The following CCDC159 variants were observed in gnomAD, a reference collection of about 807,000 sequenced individuals.
CCDC159 encodes coiled-coil domain-containing protein 159.
Under a neutral mutation model 50.9 loss-of-function variants are expected in CCDC159, and 40 were observed. That is an observed-to-expected ratio of 0.79 (90% CI 0.61 to 1.02). CCDC159 has a LOEUF of 1.02. Ranked by LOEUF, CCDC159 falls within the 50% of genes least tolerant of loss-of-function variation. CCDC159 has a pLI of 0.00. For missense variants in CCDC159, 356 were observed against 371.5 expected (o/e 0.96, Z 0.34); for synonymous variants, 146 against 138.9 (o/e 1.05, Z -0.36).
chr19:11,348,966 G>T (rs751970090), intron 1 of CCDC159: 1 of 1,345,490 alleles, frequency 7.4e-7, no homozygotes, highest in South Asian at 1.2e-5. Context: ...TCACCCCTAG[G>T]CTCTTCCTCG....
In CCDC159 at chr19:11,349,809, G is replaced by A. The variant is rs1306249653; in HGVS notation, c.55+122G>A. ...CACCCATTCACTCCTGCCCAAGGCT[G>A]AGTGGGCCCCTGTTCTATATCTTAT... On this transcript the variant is annotated intron_variant, in intron 2 of 10. Coordinates refer to ENST00000458408, the MANE Select transcript of CCDC159 (RefSeq NM_001080503.3). The A allele has an allele frequency of 2.5e-6, 3 of 1,186,344 alleles. No individual in the cohort carries two copies. The African/African-American group carries it at 4.5e-5, about 18-fold the overall frequency. The allele number at this position is 1,186,344 out of a possible 1,614,324, so 73.5% of individuals were successfully genotyped here. A position where few individuals can be genotyped will look rare whatever the true frequency, so the allele number is the denominator to read the frequency against.
At chr19:11,353,616 C>T (rs199633237) in intron 8 of CCDC159, 44 bp downstream of exon 8, 2 of 1,604,076 alleles carry the variant, frequency 1.2e-6, no homozygotes, top group Non-Finnish European at 1.7e-6. Flanking sequence ...TCCTCTGAAC[C>T]CGTTCCCCCA....
rs762068737 is a variant in CCDC159, at chr19:11,353,563, G to A, written c.680G>A (p.Ser227Asn). The A allele has an allele frequency of 2.4e-5, 38 of 1,612,512 alleles. No homozygotes were observed. The highest frequency in any genetic ancestry group is 3.1e-5 in the Non-Finnish European group (37 of 1,178,728). Reference protein sequence around the residue: ...CWKDDLQKELSDIWSAVHVLQ... With the variant: ...CWKDDLQKELNDIWSAVHVLQ... ...AAGGATGACCTCCAGAAGGAACTGA[G>A]TGATATATGGTGATGCCCAGCCTGC... Residue 227 changes from serine (S) to asparagine (N), a missense_variant, in exon 8 of 11, where the codon AGT becomes AAT. Transcript: ENST00000458408.
intron 8 of CCDC159, 90 bp from the exon 9 acceptor site, chr19:11,353,702 C>A: frequency 2.6e-6 from 4 of 1,537,392 alleles, no homozygotes; most frequent in Non-Finnish European, 3.5e-6. Flanking sequence ...GGACTCACCC[C>A]ACCACGGCCC....
chr19:11,349,730 G>A, intron 2 of CCDC159, 43 bp downstream of exon 2: 1 of 1,485,260 alleles, frequency 6.7e-7, no homozygotes, highest in Non-Finnish European at 9.4e-7. Context: ...GGGAAGACCT[G>A]CTGGTTTCTA....
intron 1 of CCDC159, chr19:11,348,193 T>C (rs559547319): frequency 1.4e-4 from 62 of 456,254 alleles, no homozygotes; most frequent in South Asian, 9.1e-4. Context: ...CCTTTTTTCT[T>C]TGGACTCTTC....
intron 4 of CCDC159, 108 bp downstream of exon 4, chr19:11,350,307 A>T: frequency 3.0e-6 from 2 of 656,154 alleles, no homozygotes; most frequent in Admixed American, 2.5e-5. Flanking sequence ...TGAGGTCAGG[A>T]GTTTGAGACC....
intron 1 of CCDC159, among the ~76,000 whole-genome samples, chr19:11,347,604 A>G (rs1166723259): frequency 6.6e-6 from 1 of 152,220 alleles, no homozygotes; most frequent in Non-Finnish European, 1.5e-5. Flanking sequence ...TGCTAGGATT[A>G]CAGGTGTTAG....
chr19:11,349,759 G>A, intron 2 of CCDC159, 72 bp downstream of exon 2: 1 of 1,318,504 alleles, frequency 7.6e-7, no homozygotes, highest in Non-Finnish European at 1.1e-6. Context: ...CTCTGCCCCA[G>A]CATCAGCTGT....
At chr19:11,349,778 C>A in intron 2 of CCDC159, 91 bp downstream of exon 2, 4 of 1,221,230 alleles carry the variant, frequency 3.3e-6, no homozygotes, top group South Asian at 1.2e-5. Flanking sequence ...GTCCCCCTGC[C>A]ATGGTCACCC....
rs762166371 is a variant in CCDC159, at chr19:11,354,866, T to C, written c.890-7T>C. 5.0e-6 allele frequency: 8 copies of C among 1,613,148 alleles called. No individual in the cohort carries two copies. The East Asian group carries it at 1.8e-4, about 36-fold the overall frequency. ...GCCAGGCCCTGACCCACCCTCTCTC[T>C]CCACAGCTTGAGCAGCCGGGACTGC... On this transcript the variant is annotated splice_polypyrimidine_tract_variant and splice_region_variant and intron_variant, in intron 10 of 10. Coordinates refer to ENST00000458408, the MANE Select transcript of CCDC159 (RefSeq NM_001080503.3).
intron 5 of CCDC159, 110 bp downstream of exon 5, chr19:11,351,113 T>G: frequency 1.8e-6 from 2 of 1,090,060 alleles, no homozygotes; most frequent in Non-Finnish European, 1.3e-6. Flanking sequence ...GGAGGGGGAC[T>G]GAGGGATGGT....
Position 11,351,936 on chromosome 19 carries a change from G to A in CCDC159, c.453G>A (p.Leu151=), listed in dbSNP as rs750859067. 1.2e-6 allele frequency: 2 copies of A among 1,603,954 alleles called. No homozygotes were observed. The highest frequency in any genetic ancestry group is 1.7e-6 in the Non-Finnish European group (2 of 1,175,702). The change falls in exon 6 of 11, where the codon CTG becomes CTA. Residue 151 remains leucine (L), a synonymous_variant. Coordinates refer to ENST00000458408, the MANE Select transcript of CCDC159 (RefSeq NM_001080503.3). The part of the protein sequence containing the change: ...SKKFLWEELE[L]VREEVTFIYQ... ...AGTTCCTGTGGGAGGAGCTGGAACT[G>A]GTGCGGGAGGAGGTGACCTTCATCT...
rs1463018904 is a variant in CCDC159, at chr19:11,346,584, G to A, written c.-23G>A. The A allele has an allele frequency of 1.9e-6, 3 of 1,551,614 alleles. No homozygotes were observed. Among genetic ancestry groups the A allele is most frequent in the Admixed American group, 2.0e-5 (1 of 50,996 alleles). On this transcript the variant is annotated 5_prime_UTR_variant, in exon 1 of 11. Transcript: ENST00000458408. ...GGGATCAAACTTCAGCGTCACAGCTGAGGACTGGCTTCGTGGTCCCTGATG... is the reference window on the plus strand; with the variant it reads ...GGGATCAAACTTCAGCGTCACAGCTAAGGACTGGCTTCGTGGTCCCTGATG...
intron 1 of CCDC159, among the ~76,000 whole-genome samples, chr19:11,347,514 GA>G (rs1400778867): frequency 1.3e-5 from 2 of 152,138 alleles, no homozygotes; most frequent in Non-Finnish European, 2.9e-5. Context: ...ATTTTTAGTA[GA>G]GATGGGGTTT....
chr19:11,351,207 T>A (rs909815835), intron 5 of CCDC159: 6 of 542,424 alleles, frequency 1.1e-5, no homozygotes, highest in African/African-American at 2.0e-5. Flanking sequence ...GAAGCCGAGA[T>A]GGGCGGATCA....
chr19:11,346,753 C>T (rs909307130), intron 1 of CCDC159, 126 bp downstream of exon 1: 1 of 1,065,072 alleles, frequency 9.4e-7, no homozygotes, highest in South Asian at 1.4e-5. Flanking sequence ...AAGCAGCAAC[C>T]GGGATGGGAC....
At chr19:11,351,068 T>C in intron 5 of CCDC159, 65 bp downstream of exon 5, 4 of 1,286,302 alleles carry the variant, frequency 3.1e-6, no homozygotes, top group Non-Finnish European at 4.0e-6. Context: ...AACTGGGGAA[T>C]GGAGGCAGGA....
At position 11,354,660 on chromosome 19, in the gene CCDC159, C is replaced by A. The variant is rs759987646; in HGVS notation, c.853C>A (p.Pro285Thr). Residue 285 changes from proline to threonine, a missense_variant, in exon 10 of 11, where the codon CCA (proline) becomes ACA (threonine). Pro to Thr is a conservative substitution (Grantham distance 38, BLOSUM62 -1). Coordinates refer to ENST00000458408, the MANE Select transcript of CCDC159 (RefSeq NM_001080503.3). ...DSDCDQDLSQ[P>T]PFSKSGRSFP... is the part of the protein sequence containing the mutation. ...CGACTGTGACCAGGACCTCTCCCAG[C>A]CACCTTTCAGCAAGAGCGGCCGCTC... 11 of 1,606,892 alleles carry A rather than the reference C, an allele frequency of 6.8e-6. No individual in the cohort carries two copies. The South Asian group carries it at 1.1e-4, about 16-fold the overall frequency.
Sources: allele counts gnomAD v4.1 joint callset (sites outside exome capture counted in the v4.1 genomes callset), GRCh38; gene constraint gnomAD v4.1.1; transcripts MANE v1.5; gene names NCBI Gene and HGNC (gene_info 2026-07-23, HGNC 2026-07-21).